Variants in ABCB1 observed in about 807,000 individuals in gnomAD.
ABCB1 encodes the protein ATP-dependent translocase ABCB1.
Under a neutral mutation model 142.0 loss-of-function variants are expected in ABCB1, and 69 were observed. The ratio of observed to expected loss-of-function variants is 0.49; its 90% CI spans 0.40 to 0.59. ABCB1 has a LOEUF of 0.59. ABCB1 is among the 20% of genes least tolerant of loss of function. The pLI is 0.00. For synonymous variants in ABCB1, 532 were observed against 539.2 expected, an observed-to-expected ratio of 0.99 and a Z score of 0.18; for missense variants, 1,326 against 1,554.7, an observed-to-expected ratio of 0.85 and a Z score of 2.47.
chr7:87,702,914 G>GCTTCT (rs1829221963), intron 1 of ABCB1, among the ~76,000 whole-genome samples: 1 of 152,096 alleles, frequency 6.6e-6, no homozygotes, highest in African/African-American at 2.4e-5. Context: ...CTCAACAGAA[G>GCTTCT]GTTGAGTATA....
At chr7:87,558,776 C>T (rs56364292) in intron 8 of ABCB1, among the ~76,000 whole-genome samples, 14,639 of 151,762 alleles carry the variant, frequency 0.096, 1,049 homozygotes, top group African/African-American at 0.2. Flanking sequence ...CCTAGTTTTA[C>T]GAGTTTTTGT....
At chr7:87,712,801 C>T (rs1305035618) in intron 1 of ABCB1, among the ~76,000 whole-genome samples, 6 of 151,890 alleles carry the variant, frequency 4.0e-5, no homozygotes, top group South Asian at 2.1e-4. Flanking sequence ...CATGGCTTGG[C>T]GTACAATGTC....
At chr7:87,546,354 C>T (rs965573624) in intron 14 of ABCB1, among the ~76,000 whole-genome samples, 8 of 151,942 alleles carry the variant, frequency 5.3e-5, no homozygotes, top group African/African-American at 1.9e-4. Context: ...TTTGGGAGGC[C>T]AAGGTGGGTG....
chr7:87,644,385 C>G (rs185465657), intron 1 of ABCB1, among the ~76,000 whole-genome samples: 9 of 152,242 alleles, frequency 5.9e-5, no homozygotes, highest in Admixed American at 2.6e-4. Flanking sequence ...ATTACCTCAC[C>G]CCTGTGTTAG....
chr7:87,618,136 T>C (rs1269607426), intron 1 of ABCB1, among the ~76,000 whole-genome samples: 1 of 152,156 alleles, frequency 6.6e-6, no homozygotes, highest in Non-Finnish European at 1.5e-5. Flanking sequence ...CCGGGGGCCC[T>C]GTTGACATTA....
At chr7:87,545,086 A>T in intron 15 of ABCB1, 87 bp from the exon 16 acceptor site, 1 of 1,265,456 alleles carries the variant, frequency 7.9e-7, no homozygotes. Context: ...TATCAAGGAA[A>T]ACAGCAATTT....
At chr7:87,630,830 T>C (rs17328447) in intron 1 of ABCB1, among the ~76,000 whole-genome samples, 4,756 of 152,250 alleles carry the variant, frequency 0.031, 74 homozygotes, top group Middle Eastern at 0.048. Context: ...GTAATGATCA[T>C]GTGTGCCCTT....
chr7:87,568,266 T>TAATAATAAAAA (rs377151956), intron 5 of ABCB1, among the ~76,000 whole-genome samples: 39 of 145,688 alleles, frequency 2.7e-4, no homozygotes, highest in Non-Finnish European at 3.7e-4. Flanking sequence ...ATAATAATAA[T>TAATAATAAAAA]AAAAATTAGC....
intron 1 of ABCB1, chr7:87,693,760 A>T: frequency 1.5e-6 from 1 of 648,692 alleles, no homozygotes. Context: ...ATCTTAACAG[A>T]GTTCATTTAT....
intron 1 of ABCB1, chr7:87,700,491 A>C (rs1369751687): frequency 6.2e-7 from 1 of 1,613,688 alleles, no homozygotes; most frequent in Non-Finnish European, 8.5e-7. Context: ...CTTGCCGGAA[A>C]GTTTCACAGA....
intron 5 of ABCB1, among the ~76,000 whole-genome samples, chr7:87,568,528 A>C (rs1817892403): frequency 6.6e-6 from 1 of 152,182 alleles, no homozygotes; most frequent in African/African-American, 2.4e-5. Context: ...TTTAAACTTC[A>C]CTACTTACCA....
chr7:87,540,391 G>A (rs1042655103), intron 18 of ABCB1, among the ~76,000 whole-genome samples: 1 of 152,154 alleles, frequency 6.6e-6, no homozygotes, highest in Non-Finnish European at 1.5e-5. Flanking sequence ...GGTACAAGGA[G>A]CACTTGAACC....
intron 2 of ABCB1, 38 bp from the exon 3 acceptor site, chr7:87,595,852 A>G: frequency 6.5e-7 from 1 of 1,541,116 alleles, no homozygotes; most frequent in East Asian, 2.3e-5. Flanking sequence ...AACTTTAAAA[A>G]GTACATATTT....
In ABCB1 at chr7:87,654,206, T is replaced by C. The variant is rs139937308; in HGVS notation, c.-330-53128A>G. ...TGAAATCTCCACCAAAATTTCAGGGTCATTTTTCACAGAAATAAAAAAGAC... is the reference window on the plus strand; with the variant it reads ...TGAAATCTCCACCAAAATTTCAGGGCCATTTTTCACAGAAATAAAAAAGAC... On this transcript the variant is annotated intron_variant, in intron 1 of 28. Transcript: ENST00000265724. Among the ~76,000 whole-genome samples the C allele has an allele frequency of 1.6e-4, 25 of 152,012 alleles. No homozygotes were observed. The East Asian group carries it at 4.6e-3, about 28-fold the overall frequency.
chr7:87,624,435 T>C (rs1260475464), intron 1 of ABCB1, among the ~76,000 whole-genome samples: 1 of 152,224 alleles, frequency 6.6e-6, no homozygotes, highest in Non-Finnish European at 1.5e-5. Context: ...GTATTTTATA[T>C]TTGAGGACAT....
chr7:87,530,862 A>C (rs1244093288), intron 21 of ABCB1, among the ~76,000 whole-genome samples: 2 of 147,648 alleles, frequency 1.4e-5, no homozygotes, highest in African/African-American at 5.1e-5. Context: ...AGAAAGAAAG[A>C]AAGAAAGAAA....
At chr7:87,571,025 A>G (rs1170031721) in intron 4 of ABCB1, among the ~76,000 whole-genome samples, 2 of 152,258 alleles carry the variant, frequency 1.3e-5, no homozygotes, top group African/African-American at 4.8e-5. Flanking sequence ...TGTGTTAAAC[A>G]TACTTATACA....
At chr7:87,562,150 T>C (rs1817584396) in intron 7 of ABCB1, among the ~76,000 whole-genome samples, 1 of 152,196 alleles carries the variant, frequency 6.6e-6, no homozygotes, top group Non-Finnish European at 1.5e-5. Flanking sequence ...GTTGTTTGGG[T>C]TTTGACAGTG....
At chr7:87,562,455 C>T (rs1584882758) in intron 7 of ABCB1, among the ~76,000 whole-genome samples, 1 of 152,250 alleles carries the variant, frequency 6.6e-6, no homozygotes, top group Non-Finnish European at 1.5e-5. Flanking sequence ...ATAGAGGAGG[C>T]TCATACAACA....
Sources: gnomAD v4.1 joint callset for allele counts (sites outside exome capture counted in the v4.1 genomes callset) on GRCh38, gnomAD v4.1.1 for gene constraint, MANE v1.5 for transcripts, NCBI Gene and HGNC (gene_info 2026-07-23, HGNC 2026-07-21) for gene names.